RGMA: variants seen among roughly 807,000 people sequenced by gnomAD.
RGMA encodes the protein repulsive guidance molecule A.
In RGMA, 10 loss-of-function variants were observed where a neutral mutation model predicts 23.2. The ratio of observed to expected loss-of-function variants is 0.43; its 90% CI spans 0.27 to 0.73. The LOEUF (loss-of-function observed/expected upper bound fraction) is 0.73. Among genes scored for constraint, RGMA ranks in the 30% least tolerant of loss-of-function variants. RGMA has a pLI of 0.20. For synonymous variants in RGMA, 308 were observed against 279.3 expected (o/e 1.10, Z -1.03); for missense variants, 547 against 630.5 (o/e 0.87, Z 1.42).
chr15:93,075,661 T>C (rs1895461397), intron 1 of RGMA, among the ~76,000 whole-genome samples: 1 of 152,152 alleles, frequency 6.6e-6, no homozygotes, highest in Non-Finnish European at 1.5e-5. Context: ...GCTGATAATA[T>C]TGTCACTCCA....
At chr15:93,057,584 G>C (rs1284715395) in intron 2 of RGMA, among the ~76,000 whole-genome samples, 8 of 152,140 alleles carry the variant, frequency 5.3e-5, no homozygotes, top group Non-Finnish European at 8.8e-5. Context: ...AAGCCTCCTA[G>C]GCTGGGGTAT....
rs557195147 is a variant in RGMA, at chr15:93,052,371, C to T, written c.267G>A (p.Thr89=). 2.2e-5 allele frequency: 36 copies of T among 1,600,106 alleles called. No homozygotes were observed. Among genetic ancestry groups the T allele is most frequent in the African/African-American group, 2.1e-4 (16 of 75,020 alleles). The change falls in exon 3 of 4, where the codon ACG becomes ACA. Residue 89 remains threonine, a synonymous_variant. Transcript: ENST00000329082. ...LRSYALCTRR[T]ARTCRGDLAY... ...CCAGGTCACCCCGGCAGGTGCGGGC[C>T]GTCCGCCGCGTGCACAGGGCGTAGC...
intron 2 of RGMA, among the ~76,000 whole-genome samples, chr15:93,053,681 A>G (rs1042267385): frequency 6.6e-6 from 1 of 152,192 alleles, no homozygotes; most frequent in East Asian, 1.9e-4. Flanking sequence ...CCCAGCCTGC[A>G]TTGTGCAGCC....
rs1596098345 is a variant in RGMA at position 93,066,517 on chromosome 15, C to T, written c.130+6399G>A. ...CCAGCAGCGGGGCCCGAGGCGACTC[C>T]GCCCCTGCCACCGCCCTCCCCGCCA... On this transcript the variant is annotated intron_variant, in intron 2 of 3. Coordinates refer to ENST00000329082, the MANE Select transcript of RGMA (RefSeq NM_020211.3). The T allele has an allele frequency of 1.4e-5, 7 of 492,666 alleles. No individual in the cohort carries two copies. In the East Asian group the frequency reaches 1.6e-4, roughly 11 times the overall value. The allele number at this position is 492,666 out of a possible 1,614,324, so 30.5% of individuals were successfully genotyped here. A position where few individuals can be genotyped will look rare whatever the true frequency, so the allele number is the denominator to read the frequency against.
chr15:93,069,254 C>T (rs1441402349), intron 2 of RGMA, among the ~76,000 whole-genome samples: 1 of 152,190 alleles, frequency 6.6e-6, no homozygotes, highest in Non-Finnish European at 1.5e-5. Context: ...GGATTATAGG[C>T]TCATGCCACC....
intron 1 of RGMA, among the ~76,000 whole-genome samples, chr15:93,075,429 CAA>C (rs1895456786): frequency 6.6e-6 from 1 of 152,074 alleles, no homozygotes; most frequent in Non-Finnish European, 1.5e-5. Context: ...CCAAAAAAGA[CAA>C]AGATTCATAC....
chr15:93,056,267 G>A (rs2055011912), intron 2 of RGMA, among the ~76,000 whole-genome samples: 1 of 152,264 alleles, frequency 6.6e-6, no homozygotes, highest in Admixed American at 6.5e-5. Flanking sequence ...CCCAGGATGG[G>A]GAGGGGGCTG....
intron 3 of RGMA, 76 bp downstream of exon 3, chr15:93,051,915 CCT>C: frequency 7.0e-7 from 1 of 1,422,788 alleles, no homozygotes. Context: ...CACCCGAGGC[CCT>C]CTCAGCCTCT....
chr15:93,048,235 C>T (rs979132169), intron 3 of RGMA, among the ~76,000 whole-genome samples: 2 of 152,118 alleles, frequency 1.3e-5, no homozygotes, highest in African/African-American at 4.8e-5. Flanking sequence ...GTGGGGAGAA[C>T]TGGTAGCCTG....
intron 1 of RGMA, among the ~76,000 whole-genome samples, chr15:93,074,781 C>A (rs1317129823): frequency 1.3e-5 from 2 of 152,200 alleles, no homozygotes; most frequent in Non-Finnish European, 2.9e-5. Flanking sequence ...GCAGCCCATT[C>A]CAGCGGCCAC....
Position 93,044,924 on chromosome 15 carries a change from C to T in RGMA, c.*74G>A, listed in dbSNP as rs553141470. The T allele has an allele frequency of 2.3e-5, 29 of 1,277,842 alleles. No individual in the cohort carries two copies. The highest frequency in any genetic ancestry group is 2.8e-5 in the Non-Finnish European group (26 of 925,958). 79.2% of individuals were successfully genotyped at this position (1,277,842 alleles called of 1,614,324 possible). ...GGTGGACACGCCAGGAGATCTGCAC[C>T]CCGTGGGCGGTCCCAGCCCACACAT... On this transcript the variant is annotated 3_prime_UTR_variant, in exon 4 of 4. Transcript: ENST00000329082.
At chr15:93,046,867 T>C (rs1421034343) in intron 3 of RGMA, among the ~76,000 whole-genome samples, 1 of 151,266 alleles carries the variant, frequency 6.6e-6, no homozygotes, top group Non-Finnish European at 1.5e-5. Flanking sequence ...GGTGAGGGGC[T>C]GGACTGAGCT....
intron 1 of RGMA, among the ~76,000 whole-genome samples, chr15:93,074,643 T>C (rs915773362): frequency 6.6e-6 from 1 of 152,224 alleles, no homozygotes; most frequent in Non-Finnish European, 1.5e-5. Context: ...CCAGGGTTCA[T>C]TTCAGGACGG....
chr15:93,081,249 C>T (rs1895554620), intron 1 of RGMA, among the ~76,000 whole-genome samples: 1 of 152,146 alleles, frequency 6.6e-6, no homozygotes, highest in Non-Finnish European at 1.5e-5. Flanking sequence ...TGAATAGATA[C>T]TGGCTCTGTA....
chr15:93,080,896 TC>T (rs1260357314), intron 1 of RGMA, among the ~76,000 whole-genome samples: 1 of 151,892 alleles, frequency 6.6e-6, no homozygotes, highest in Non-Finnish European at 1.5e-5. Flanking sequence ...AATGAAAGTC[TC>T]CCCCCGACCA....
chr15:93,088,233 A>T, intron 1 of RGMA: 1 of 732,536 alleles, frequency 1.4e-6, no homozygotes, highest in Non-Finnish European at 1.7e-6. Flanking sequence ...CGTCCCCCAC[A>T]CCCGCCCTCC....
chr15:93,079,864 C>T (rs1253739484), intron 1 of RGMA, among the ~76,000 whole-genome samples: 2 of 152,060 alleles, frequency 1.3e-5, no homozygotes, highest in Non-Finnish European at 2.9e-5. Context: ...CCCTTGTGGG[C>T]GGGAGGTACA....
intron 1 of RGMA, among the ~76,000 whole-genome samples, chr15:93,080,497 T>G (rs1211353477): frequency 6.6e-6 from 1 of 152,192 alleles, no homozygotes; most frequent in Non-Finnish European, 1.5e-5. Flanking sequence ...CAGCTCTGGG[T>G]GACTCCCAGC....
chr15:93,074,089 G>T, intron 1 of RGMA: 1 of 1,103,718 alleles, frequency 9.1e-7, no homozygotes, highest in Middle Eastern at 3.3e-4. Flanking sequence ...ATATTTAAGG[G>T]ACTGGTAACT....
Sources: allele counts gnomAD v4.1 joint callset (sites outside exome capture counted in the v4.1 genomes callset), GRCh38; gene constraint gnomAD v4.1.1; transcripts MANE v1.5; gene names NCBI Gene and HGNC (gene_info 2026-07-23, HGNC 2026-07-21).